The following ABCC9 variants were observed in gnomAD, a reference collection of about 807,000 sequenced individuals.
The protein encoded by ABCC9 is ATP-binding cassette sub-family C member 9.
In ABCC9, 95 loss-of-function variants were observed where a neutral mutation model predicts 188.3. That is an observed-to-expected ratio of 0.50 (90% CI 0.43 to 0.60). The LOEUF (loss-of-function observed/expected upper bound fraction) is 0.60. Ranked by LOEUF, ABCC9 falls within the 20% of genes least tolerant of loss-of-function variation. The probability of loss-of-function intolerance (pLI) is 0.00; values close to 1 mark genes in which losing one functional copy is unlikely to be tolerated. For synonymous variants in ABCC9, 659 were observed against 652.7 expected (o/e 1.01, Z -0.15); for missense variants, 1,102 against 1,876.3 (o/e 0.59, Z 7.62).
chr12:21,818,081 T>C, intron 32 of ABCC9, 69 bp downstream of exon 32: 3 of 971,080 alleles, frequency 3.1e-6, no homozygotes, highest in Non-Finnish European at 4.5e-6. Flanking sequence ...CAACATTCAA[T>C]TCCCATTTAT....
chr12:21,875,955 G>T (rs1221463053), intron 16 of ABCC9, among the ~76,000 whole-genome samples: 1 of 152,144 alleles, frequency 6.6e-6, no homozygotes, highest in East Asian at 1.9e-4. Flanking sequence ...GTGGTGGCAG[G>T]CGCCTGTAGT....
chr12:21,861,381 C>A (rs940572560), intron 20 of ABCC9, among the ~76,000 whole-genome samples: 4 of 152,004 alleles, frequency 2.6e-5, no homozygotes, highest in African/African-American at 9.7e-5. Context: ...CAGATGTGCA[C>A]CACCATACCC....
chr12:21,923,594 C>A, intron 5 of ABCC9: 1 of 514,664 alleles, frequency 1.9e-6, no homozygotes, highest in Non-Finnish European at 3.5e-6. Flanking sequence ...CCAGTACACA[C>A]CCACTAGCAT....
At chr12:21,924,469 C>T (rs1948970962) in intron 5 of ABCC9, 1 of 152,036 alleles carries the variant, frequency 6.6e-6, no homozygotes. Context: ...GACAAAATTA[C>T]TATCTTTGTG....
intron 18 of ABCC9, among the ~76,000 whole-genome samples, chr12:21,868,677 A>G (rs1351642929): frequency 6.6e-6 from 1 of 152,164 alleles, no homozygotes; most frequent in Non-Finnish European, 1.5e-5. Flanking sequence ...TCAGAGACAC[A>G]TGTAATGGTG....
intron 18 of ABCC9, 32 bp downstream of exon 18, chr12:21,872,593 T>C (rs779683676): frequency 8.8e-6 from 13 of 1,469,648 alleles, no homozygotes; most frequent in Non-Finnish European, 1.2e-5. Context: ...ATGTATGACA[T>C]AGCAATGGAA....
At chr12:21,871,940 TA>T (rs1346111016) in intron 18 of ABCC9, among the ~76,000 whole-genome samples, 1 of 152,224 alleles carries the variant, frequency 6.6e-6, no homozygotes, top group Non-Finnish European at 1.5e-5. Context: ...TAGGCCAAAC[TA>T]AATAAGTATA....
intron 22 of ABCC9, 67 bp from the exon 23 acceptor site, chr12:21,852,572 G>T (rs530601921): frequency 7.7e-6 from 12 of 1,568,498 alleles, no homozygotes; most frequent in Non-Finnish European, 1.0e-5. Context: ...AATTCCTCTC[G>T]AAAATAGTAA....
intron 36 of ABCC9, among the ~76,000 whole-genome samples, chr12:21,810,811 C>T (rs1320181660): frequency 2.0e-5 from 3 of 152,164 alleles, no homozygotes; most frequent in Admixed American, 6.5e-5. Flanking sequence ...TTACTTGACA[C>T]ATCCAGAAGT....
In ABCC9 at chr12:21,841,347, C is replaced by CTTTTTTTTTTTTTTTTTTT. The variant is rs1174314931; in HGVS notation, c.3473+948_3473+966dup. 4.1e-4 allele frequency among the ~76,000 whole-genome samples: 8 copies of CTTTTTTTTTTTTTTTTTTT among 19,604 alleles called. 4 individuals are homozygous for CTTTTTTTTTTTTTTTTTTT. The highest frequency in any genetic ancestry group is 1.0e-3 in the African/African-American group (4 of 3,810). The allele number at this position is 19,604 out of a possible 152,430, so 12.9% of individuals were successfully genotyped here. Reference sequence around the variant, plus strand: ...TCTTTGGGATTATGTTTCTGGTTTCCTTTTTTTTTTTTTTTTTTTTTTTTT... The same window carrying CTTTTTTTTTTTTTTTTTTT: ...TCTTTGGGATTATGTTTCTGGTTTCCTTTTTTTTTTTTTTTTTTTTTTTTTTTTTTTTTTTTTTTTTTTT... On this transcript the variant is annotated intron_variant, in intron 29 of 39. Transcript: ENST00000261200.
At chr12:21,857,241 A>C (rs970744389) in intron 22 of ABCC9, among the ~76,000 whole-genome samples, 1 of 152,200 alleles carries the variant, frequency 6.6e-6, no homozygotes, top group African/African-American at 2.4e-5. Context: ...AACACTATAC[A>C]TCAGGGATTA....
chr12:21,924,314 T>C (rs1194140132), intron 5 of ABCC9: 1 of 152,490 alleles, frequency 6.6e-6, no homozygotes, highest in Non-Finnish European at 1.5e-5. Context: ...GAGAGAGGTA[T>C]GAATAGAAGG....
chr12:21,851,534 T>C (rs916570820), intron 24 of ABCC9, among the ~76,000 whole-genome samples: 1 of 152,184 alleles, frequency 6.6e-6, no homozygotes, highest in Non-Finnish European at 1.5e-5. Flanking sequence ...ACACATCATG[T>C]AAAAAGGGCT....
chr12:21,803,727 T>G (rs1326625644), intron 39 of ABCC9, among the ~76,000 whole-genome samples: 1 of 152,128 alleles, frequency 6.6e-6, no homozygotes, highest in East Asian at 1.9e-4. Flanking sequence ...TTTATTCCAT[T>G]AATCCAAATA....
At chr12:21,837,944 T>A in intron 30 of ABCC9, 134 bp downstream of exon 30, 1 of 783,444 alleles carries the variant, frequency 1.3e-6, no homozygotes, top group South Asian at 1.5e-5. Flanking sequence ...TTTTTCTTAT[T>A]CTTGGTTTAG....
chr12:21,818,486 CTA>C (rs745384768), intron 31 of ABCC9, among the ~76,000 whole-genome samples: 3 of 136,064 alleles, frequency 2.2e-5, no homozygotes, highest in African/African-American at 8.5e-5. Context: ...CTATATCTAT[CTA>C]TATATATATC....
chr12:21,910,989 A>G lies in ABCC9; in HGVS notation c.1012-11T>C. On this transcript the variant is annotated splice_polypyrimidine_tract_variant and intron_variant, in intron 8 of 39. Transcript: ENST00000261200. ...GAGGGTTTCTGAAATCTGGTCCCCA[A>G]AGAAAAAAAGTGTCATATTAAAACT... 1 of 1,611,652 alleles carries G rather than the reference A, an allele frequency of 6.2e-7. No homozygotes were observed. The highest frequency in any genetic ancestry group is 1.1e-5 in the South Asian group (1 of 91,034).
chr12:21,840,175 A>AT (rs1031916219), intron 29 of ABCC9, among the ~76,000 whole-genome samples: 22 of 152,188 alleles, frequency 1.4e-4, no homozygotes, highest in African/African-American at 5.3e-4. Context: ...TTAAATATTC[A>AT]TTTTTTCAGA....
chr12:21,914,954 G>A (rs1207029010), intron 7 of ABCC9, among the ~76,000 whole-genome samples: 2 of 149,344 alleles, frequency 1.3e-5, no homozygotes, highest in Non-Finnish European at 3.0e-5. Context: ...AGGCTGGAGT[G>A]CAATGGTGCA....
Sources: gnomAD v4.1 joint callset for allele counts (sites outside exome capture counted in the v4.1 genomes callset) on GRCh38, gnomAD v4.1.1 for gene constraint, MANE v1.5 for transcripts, NCBI Gene and HGNC (gene_info 2026-07-23, HGNC 2026-07-21) for gene names.